The following XPNPEP1 variants were observed in gnomAD, a reference collection of about 807,000 sequenced individuals.
XPNPEP1 encodes the protein X-prolyl aminopeptidase 1.
In XPNPEP1, 39 loss-of-function variants were observed where a neutral mutation model predicts 92.4. The ratio of observed to expected loss-of-function variants is 0.42; its 90% CI spans 0.33 to 0.55. The LOEUF (loss-of-function observed/expected upper bound fraction) is 0.55, where lower values mean the gene tolerates loss of function less well. XPNPEP1 is among the 20% of genes least tolerant of loss of function. The pLI, the probability that XPNPEP1 is intolerant of heterozygous loss-of-function variation, is 0.08. For missense variants in XPNPEP1, 654 were observed against 856.1 expected (o/e 0.76, Z 2.95); for synonymous variants, 307 against 299.4 (o/e 1.03, Z -0.26).
In XPNPEP1 at chr10:109,876,888, T is replaced by C. The variant is rs1380083999; in HGVS notation, c.1319+902A>G. On this transcript the variant is annotated intron_variant, in intron 14 of 20. Coordinates refer to ENST00000502935, the MANE Select transcript of XPNPEP1 (RefSeq NM_020383.4). ...CCATCTCCACAGGAAGATCTGTCAGTCCTAGACATATCAGTGCCCCTCTGT... is the reference window on the plus strand; with the variant it reads ...CCATCTCCACAGGAAGATCTGTCAGCCCTAGACATATCAGTGCCCCTCTGT... 3 of 152,356 alleles carry C rather than the reference T, an allele frequency of 2.0e-5. No individual in the cohort carries two copies. The East Asian group carries it at 5.8e-4, about 29-fold the overall frequency. The allele number at this position is 152,356 out of a possible 1,614,324, so 9.4% of individuals were successfully genotyped here.
intron 5 of XPNPEP1, among the ~76,000 whole-genome samples, chr10:109,890,489 C>A (rs1268019252): frequency 1.3e-5 from 2 of 148,380 alleles, no homozygotes; most frequent in Non-Finnish European, 1.5e-5. Context: ...AGCACACAAA[C>A]AAAAAAATTT....
intron 8 of XPNPEP1, among the ~76,000 whole-genome samples, chr10:109,884,913 T>C (rs1309944359): frequency 1.3e-5 from 2 of 152,222 alleles, no homozygotes; most frequent in Non-Finnish European, 2.9e-5. Context: ...ATAACCTCTA[T>C]TTTAAAATAA....
At chr10:109,894,334 C>T (rs957074813) in intron 3 of XPNPEP1, among the ~76,000 whole-genome samples, 3 of 152,008 alleles carry the variant, frequency 2.0e-5, no homozygotes, top group African/African-American at 7.3e-5. Flanking sequence ...GAACTCGAGA[C>T]CAGCCTGGGA....
Position 109,865,135 on chromosome 10 carries a change from C to T in XPNPEP1, c.*49G>A. Reference sequence around the variant, plus strand: ...AAGATGTCAGGGATCTGCCACGTTTCTTCCTTCCTCCAGAGCATTTTACAA... The same window carrying T: ...AAGATGTCAGGGATCTGCCACGTTTTTTCCTTCCTCCAGAGCATTTTACAA... On this transcript the variant is annotated 3_prime_UTR_variant, in exon 21 of 21. Coordinates refer to ENST00000502935, the MANE Select transcript of XPNPEP1 (RefSeq NM_020383.4). The T allele has an allele frequency of 6.2e-7, 1 of 1,608,936 alleles. No homozygotes were observed. The highest frequency in any genetic ancestry group is 8.5e-7 in the Non-Finnish European group (1 of 1,175,742).
At chr10:109,868,903 C>T (rs751485320) in intron 19 of XPNPEP1, among the ~76,000 whole-genome samples, 191 bp from the exon 20 acceptor site, 1 of 152,154 alleles carries the variant, frequency 6.6e-6, no homozygotes, top group Non-Finnish European at 1.5e-5. Context: ...CTCCACTGGG[C>T]AAACAATGGC....
Position 109,864,960 on chromosome 10 carries a change from C to T in XPNPEP1, c.*224G>A. 1.6e-6 allele frequency: 1 copy of T among 635,608 alleles called. No homozygotes were observed. The highest frequency in any genetic ancestry group is 2.1e-5 in the South Asian group (1 of 47,222). 39.4% of individuals were successfully genotyped at this position (635,608 alleles called of 1,614,324 possible). On this transcript the variant is annotated 3_prime_UTR_variant, in exon 21 of 21. Coordinates refer to ENST00000502935, the MANE Select transcript of XPNPEP1 (RefSeq NM_020383.4). ...TGGAGGGACCCTCCTTCTGGTGCAG[C>T]AATTTTATTCTTGGCTTGTTCTCAA...
chr10:109,884,435 G>C, intron 8 of XPNPEP1: 2 of 342,694 alleles, frequency 5.8e-6, no homozygotes, highest in Non-Finnish European at 1.1e-5. Context: ...CCCCCACAAG[G>C]AGTTGAAATG....
intron 2 of XPNPEP1, among the ~76,000 whole-genome samples, chr10:109,909,498 T>C (rs972981973): frequency 6.6e-6 from 1 of 152,228 alleles, no homozygotes; most frequent in Non-Finnish European, 1.5e-5. Flanking sequence ...TCTATATCTA[T>C]AGTCAGGAAT....
In XPNPEP1 at chr10:109,865,242, C is replaced by T. The variant is rs752167837; in HGVS notation, c.1943G>A (p.Arg648His). ...VIGKELQKQG[R>H]QEALEWLIRE... ...GATGAGCCACTCGAGAGCTTCCTGG[C>T]GGCCCTGTTTCTGCAATTCCTTCCC... The change falls in exon 21 of 21, where the codon CGC becomes CAC. Residue 648 changes from arginine (R) to histidine (H), a missense_variant. Transcript: ENST00000502935. 2.8e-5 allele frequency: 45 copies of T among 1,614,016 alleles called. No individual in the cohort carries two copies. The highest frequency in any genetic ancestry group is 3.7e-5 in the Non-Finnish European group (44 of 1,180,032).
At chr10:109,894,875 T>A (rs1848900206) in intron 3 of XPNPEP1, among the ~76,000 whole-genome samples, 1 of 152,242 alleles carries the variant, frequency 6.6e-6, no homozygotes, top group South Asian at 2.1e-4. Flanking sequence ...GCCACCAGCA[T>A]CGTTTAGGAA....
intron 3 of XPNPEP1, among the ~76,000 whole-genome samples, chr10:109,894,472 A>G (rs927926607): frequency 1.3e-5 from 2 of 151,868 alleles, no homozygotes; most frequent in African/African-American, 4.8e-5. Flanking sequence ...TTGAGGCTGC[A>G]CAGTGAGGCA....
intron 1 of XPNPEP1, among the ~76,000 whole-genome samples, chr10:109,920,034 T>TAAAA (rs561125587): frequency 7.0e-6 from 1 of 143,506 alleles, no homozygotes; most frequent in Non-Finnish European, 1.5e-5. Flanking sequence ...CCGTCTCATT[T>TAAAA]AAAAAAAAAA....
At chr10:109,893,777 T>C (rs1169083208) in intron 3 of XPNPEP1, among the ~76,000 whole-genome samples, 5 of 152,236 alleles carry the variant, frequency 3.3e-5, no homozygotes, top group Non-Finnish European at 7.3e-5. Flanking sequence ...CTTCTGGTAA[T>C]AGCCAGTGAG....
At chr10:109,890,519 A>G (rs1362590545) in intron 5 of XPNPEP1, among the ~76,000 whole-genome samples, 1 of 149,656 alleles carries the variant, frequency 6.7e-6, no homozygotes, top group African/African-American at 2.5e-5. Context: ...TAGCTTGTCC[A>G]TTTATAACAG....
intron 17 of XPNPEP1, 74 bp downstream of exon 17, chr10:109,871,718 T>C: frequency 6.6e-7 from 1 of 1,525,246 alleles, no homozygotes. Context: ...GACATGTTCT[T>C]TCACTCAAAC....
chr10:109,885,338 G>A (rs1465298317), intron 8 of XPNPEP1, among the ~76,000 whole-genome samples: 1 of 152,110 alleles, frequency 6.6e-6, no homozygotes, highest in Non-Finnish European at 1.5e-5. Context: ...TATATGCATA[G>A]AATATTGACA....
At position 109,867,971 on chromosome 10, in the gene XPNPEP1, G is replaced by A. The variant is rs1462083473; in HGVS notation, c.1872+643C>T. On this transcript the variant is annotated intron_variant, in intron 20 of 20. Coordinates refer to ENST00000502935, the MANE Select transcript of XPNPEP1 (RefSeq NM_020383.4). The surrounding 1 kb of genome is among the most constrained non-coding windows in gnomAD (Gnocchi z 4.5). ...CTTCAGGCCTTTCTCATGTCCCCAG[G>A]ACTGCCATCTGACCTGGCCTTACCA... 1.3e-5 allele frequency among the ~76,000 whole-genome samples: 2 copies of A among 152,116 alleles called. No individual in the cohort carries two copies. The highest frequency in any genetic ancestry group is 2.9e-5 in the Non-Finnish European group (2 of 68,026).
At chr10:109,887,484 G>A (rs1848456413) in intron 7 of XPNPEP1, among the ~76,000 whole-genome samples, 1 of 152,168 alleles carries the variant, frequency 6.6e-6, no homozygotes, top group South Asian at 2.1e-4. Context: ...TGTTTCTACA[G>A]CAAGACGCCC....
At chr10:109,914,154 T>G (rs1407299454) in intron 2 of XPNPEP1, among the ~76,000 whole-genome samples, 2 of 151,232 alleles carry the variant, frequency 1.3e-5, no homozygotes, top group African/African-American at 4.9e-5. Flanking sequence ...GGGATAGAAA[T>G]ACAGTAATAC....
Sources: allele counts gnomAD v4.1 joint callset (sites outside exome capture counted in the v4.1 genomes callset), GRCh38; gene constraint gnomAD v4.1.1; non-coding constraint Gnocchi (gnomAD v3.1); transcripts MANE v1.5; gene names NCBI Gene and HGNC (gene_info 2026-07-23, HGNC 2026-07-21).